NUP210: variants seen among roughly 807,000 people sequenced by gnomAD.
NUP210 encodes the protein nuclear pore membrane glycoprotein 210.
A neutral mutation model predicts 196.0 loss-of-function variants in NUP210; 151 were observed. The observed-to-expected ratio is 0.77, with a 90% CI of 0.67 to 0.88. NUP210 has a LOEUF of 0.88. Ranked by LOEUF, NUP210 falls within the 40% of genes least tolerant of loss-of-function variation. The pLI is 0.00. For missense variants in NUP210, 2,314 were observed against 2,493.7 expected (o/e 0.93, Z 1.53); for synonymous variants, 1,070 against 1,052.7 (o/e 1.02, Z -0.32).
intron 13 of NUP210, among the ~76,000 whole-genome samples, chr3:13,366,330 TCATG>T (rs1698535149): frequency 6.6e-6 from 1 of 151,580 alleles, no homozygotes; most frequent in African/African-American, 2.4e-5. Flanking sequence ...CGGGGTTTCA[TCATG>T]TTGGCCAGGC....
At position 13,321,702 on chromosome 3, in the gene NUP210, G is replaced by A. The variant is rs541356052; in HGVS notation, c.5049C>T (p.Ala1683=). The A allele has an allele frequency of 6.8e-6, 11 of 1,614,108 alleles. No homozygotes were observed. The highest frequency in any genetic ancestry group is 5.0e-5 in the Admixed American group (3 of 60,018). The change falls in exon 36 of 40, where the codon GCC becomes GCT. Residue 1683 remains alanine (A), a synonymous_variant. Coordinates refer to ENST00000254508, the MANE Select transcript of NUP210 (RefSeq NM_024923.4). ...AGAGACCTGGGCTGAAGGGCACCTC[G>A]GCCCCCACCTGCTCTGTGGAGAAGT... ...SSHFSTEQVG[A]EVPFSPGLFA... is the part of the protein sequence containing the mutation.
chr3:13,352,234 G>T (rs779458224), intron 18 of NUP210, 50 bp from the exon 19 acceptor site: 2 of 1,419,454 alleles, frequency 1.4e-6, no homozygotes, highest in East Asian at 4.7e-5. Context: ...TGATTAGGCT[G>T]CCCCTCGGGA....
rs751858101 is a variant in NUP210 at position 13,321,601 on chromosome 3, A to G, written c.5150T>C (p.Val1717Ala). Residue 1717 changes from valine (V) to alanine (A), a missense_variant, in exon 36 of 40, where the codon GTT (valine) becomes GCT (alanine). Physicochemically the swap from Val to Ala is moderately conservative, Grantham distance 64. Transcript: ENST00000254508. ...SEIRVFGAPEVLENLEVKSGS... is the reference protein window; with the variant it reads ...SEIRVFGAPEALENLEVKSGS... ...GCCACTCACCTCCAAGTTCTCCAGA[A>G]CCTCCGGGGCACCAAAGACCCTGAT... is the stretch of plus-strand genomic sequence containing the variant. 4.3e-6 allele frequency: 7 copies of G among 1,612,834 alleles called. No homozygotes were observed. The Admixed American group carries it at 1.2e-4, about 27-fold the overall frequency.
chr3:13,416,224 C>T (rs912773513), intron 1 of NUP210, among the ~76,000 whole-genome samples: 2 of 152,224 alleles, frequency 1.3e-5, no homozygotes, highest in African/African-American at 4.8e-5. Context: ...TCCAAGGTGC[C>T]CAGGAGAGAC....
chr3:13,324,449 T>C (rs1206360380), intron 33 of NUP210, among the ~76,000 whole-genome samples: 1 of 152,118 alleles, frequency 6.6e-6, no homozygotes, highest in African/African-American at 2.4e-5. Context: ...GTGACATCTC[T>C]AGCTCCCCGG....
intron 12 of NUP210, among the ~76,000 whole-genome samples, chr3:13,372,840 C>T (rs941242472): frequency 6.6e-6 from 1 of 152,184 alleles, no homozygotes; most frequent in Non-Finnish European, 1.5e-5. Context: ...CACGCTGCCT[C>T]CTGAGGAACT....
chr3:13,323,045 C>T lies in NUP210; in HGVS notation c.4768+264G>A, dbSNP rs995874526. On this transcript the variant is annotated intron_variant, in intron 34 of 39. Coordinates refer to ENST00000254508, the MANE Select transcript of NUP210 (RefSeq NM_024923.4). The surrounding 1 kb of genome is among the most constrained non-coding windows in gnomAD (Gnocchi z 4.3). ...GTGGCTTTCTTTGCTAGGGTGCCCT[C>T]GGGCTGAAGTCACATTTCCAGTGCA... Among the ~76,000 whole-genome samples the T allele has an allele frequency of 1.3e-5, 2 of 152,120 alleles. No homozygotes were observed. The highest frequency in any genetic ancestry group is 2.4e-5 in the African/African-American group (1 of 41,428).
intron 1 of NUP210, among the ~76,000 whole-genome samples, chr3:13,406,959 C>T (rs1025427594): frequency 5.9e-5 from 9 of 151,870 alleles, no homozygotes; most frequent in Admixed American, 2.6e-4. Context: ...GGACGTGGCT[C>T]ACTCGGTTCT....
Position 13,340,435 on chromosome 3 carries a change from C to T in NUP210, c.3229-137G>A. The T allele has an allele frequency of 2.6e-6, 2 of 763,514 alleles. No homozygotes were observed. The highest frequency in any genetic ancestry group is 4.4e-6 in the Non-Finnish European group (2 of 455,340). 47.3% of individuals were successfully genotyped at this position (763,514 alleles called of 1,614,324 possible). ...TTCTCTCTGAGCAGTGACCAGAGGG[C>T]CCAGGGTCCTGGGCCAATGCTGGGG... On this transcript the variant is annotated intron_variant, in intron 23 of 39. Transcript: ENST00000254508. The surrounding 1 kb of genome is among the most constrained non-coding windows in gnomAD (Gnocchi z 4.0).
chr3:13,342,509 C>T (rs1013541816), intron 21 of NUP210, among the ~76,000 whole-genome samples: 7 of 152,158 alleles, frequency 4.6e-5, no homozygotes, highest in African/African-American at 1.2e-4. Flanking sequence ...AGCGAAGAAA[C>T]AGATGATTAG....
intron 1 of NUP210, among the ~76,000 whole-genome samples, chr3:13,406,385 A>G (rs1700002472): frequency 6.6e-6 from 1 of 152,190 alleles, no homozygotes; most frequent in Non-Finnish European, 1.5e-5. Flanking sequence ...AACCACTGGA[A>G]GAGGCACGTG....
intron 32 of NUP210, 51 bp from the exon 33 acceptor site, chr3:13,325,982 G>A (rs370741099): frequency 6.3e-7 from 1 of 1,599,402 alleles, no homozygotes; most frequent in Non-Finnish European, 8.5e-7. Context: ...GGACACTCCA[G>A]TCAAAGCCCA....
At chr3:13,398,432 A>AAAAAAT (rs1699735386) in intron 2 of NUP210, among the ~76,000 whole-genome samples, 1 of 152,216 alleles carries the variant, frequency 6.6e-6, no homozygotes, top group Non-Finnish European at 1.5e-5. Context: ...ACTCCATCTC[A>AAAAAAT]AAAAATAAAA....
At chr3:13,371,788 G>A (rs1201601351) in intron 13 of NUP210, 46 bp downstream of exon 13, 2 of 1,530,330 alleles carry the variant, frequency 1.3e-6, no homozygotes, top group African/African-American at 2.7e-5. Flanking sequence ...CAGACAATCT[G>A]GCCCCAATCC....
chr3:13,390,123 C>A (rs1699438625), intron 4 of NUP210, among the ~76,000 whole-genome samples: 2 of 152,228 alleles, frequency 1.3e-5, no homozygotes, highest in South Asian at 4.2e-4. Flanking sequence ...CTGAAGACGG[C>A]CGGCAACAGT....
chr3:13,381,861 G>A (rs779454812), intron 6 of NUP210, among the ~76,000 whole-genome samples: 72 of 151,994 alleles, frequency 4.7e-4, no homozygotes, highest in Middle Eastern at 6.8e-3. Context: ...CCCCACTCCC[G>A]GACCTTGCAC....
chr3:13,388,918 T>G (rs1699378308), intron 4 of NUP210, among the ~76,000 whole-genome samples: 1 of 152,158 alleles, frequency 6.6e-6, no homozygotes. Context: ...GGAACGATTC[T>G]CCATGACTGG....
At chr3:13,354,229 T>C (rs1342764087) in intron 16 of NUP210, 122 bp from the exon 17 acceptor site, 1 of 817,486 alleles carries the variant, frequency 1.2e-6, no homozygotes, top group South Asian at 1.7e-5. Flanking sequence ...GGTGAGGGAA[T>C]GGGATATGCC....
chr3:13,411,189 G>A lies in NUP210; in HGVS notation c.167+8871C>T, dbSNP rs374014137. 8.6e-5 allele frequency among the ~76,000 whole-genome samples: 13 copies of A among 151,582 alleles called. 1 individual carries two copies. The highest frequency in any genetic ancestry group is 7.2e-4 in the Admixed American group (11 of 15,228). ...TGAGGTTATAGTGAGCTATAATTGT[G>A]CCACTGCACTGCAGCCTGGGTGATA... On this transcript the variant is annotated intron_variant, in intron 1 of 39. Coordinates refer to ENST00000254508, the MANE Select transcript of NUP210 (RefSeq NM_024923.4).
Sources: allele counts gnomAD v4.1 joint callset (sites outside exome capture counted in the v4.1 genomes callset), GRCh38; gene constraint gnomAD v4.1.1; non-coding constraint Gnocchi (gnomAD v3.1); transcripts MANE v1.5; gene names NCBI Gene and HGNC (gene_info 2026-07-23, HGNC 2026-07-21).